DCAF1: variants seen among roughly 807,000 people sequenced by gnomAD.
DCAF1 encodes the protein DDB1- and CUL4-associated factor 1.
A neutral mutation model predicts 128.0 loss-of-function variants in DCAF1; 15 were observed. The observed-to-expected ratio is 0.12, with a 90% CI of 0.08 to 0.18. DCAF1 has a LOEUF of 0.18. Ranked by LOEUF, DCAF1 falls within the 10% of genes least tolerant of loss-of-function variation. The pLI is 1.00. For synonymous variants in DCAF1, 610 were observed against 603.0 expected (o/e 1.01, Z -0.17); for missense variants, 988 against 1,649.5 (o/e 0.60, Z 6.95).
At chr3:51,496,935 T>A (rs1429122735) in intron 1 of DCAF1, among the ~76,000 whole-genome samples, 155 bp from the exon 2 acceptor site, 1 of 152,128 alleles carries the variant, frequency 6.6e-6, no homozygotes, top group Non-Finnish European at 1.5e-5. Flanking sequence ...CAACTTATTT[T>A]CAAATGATTC....
At chr3:51,478,160 C>T (rs941940288) in intron 3 of DCAF1, among the ~76,000 whole-genome samples, 1 of 152,032 alleles carries the variant, frequency 6.6e-6, no homozygotes, top group Non-Finnish European at 1.5e-5. Flanking sequence ...CGTGCCACCA[C>T]GCCTGGCTAA....
chr3:51,452,885 G>A (rs991572678), intron 6 of DCAF1, among the ~76,000 whole-genome samples: 5 of 151,740 alleles, frequency 3.3e-5, no homozygotes, highest in African/African-American at 1.2e-4. Context: ...CGTGGTGGCG[G>A]GCACCTGTAA....
intron 3 of DCAF1, among the ~76,000 whole-genome samples, chr3:51,475,108 T>C (rs1705272735): frequency 6.6e-6 from 1 of 151,998 alleles, no homozygotes; most frequent in South Asian, 2.1e-4. Flanking sequence ...TTTTAAATTT[T>C]TTATATAGAT....
At chr3:51,489,765 T>C (rs1279690997) in intron 2 of DCAF1, among the ~76,000 whole-genome samples, 1 of 149,748 alleles carries the variant, frequency 6.7e-6, no homozygotes, top group Non-Finnish European at 1.5e-5. Flanking sequence ...CCAGCCTGGG[T>C]GACAGGTAAG....
chr3:51,438,903 G>A (rs1279720471), intron 9 of DCAF1, among the ~76,000 whole-genome samples: 7 of 152,198 alleles, frequency 4.6e-5, no homozygotes, highest in African/African-American at 9.7e-5. Context: ...GAGCCACCGC[G>A]CTGCGCCGAA....
chr3:51,430,638 T>C (rs2107547491), intron 10 of DCAF1, among the ~76,000 whole-genome samples: 1 of 152,330 alleles, frequency 6.6e-6, no homozygotes, highest in Admixed American at 6.5e-5. Context: ...TTTTGATGTC[T>C]ACTATGGGTC....
chr3:51,448,625 AC>A (rs1402323503), intron 6 of DCAF1, among the ~76,000 whole-genome samples: 56 of 152,344 alleles, frequency 3.7e-4, no homozygotes, highest in African/African-American at 1.3e-3. Context: ...CAATAGTTTA[AC>A]CATTTTAAAG....
chr3:51,438,013 G>C (rs1701011351), intron 9 of DCAF1: 1 of 337,418 alleles, frequency 3.0e-6, no homozygotes, highest in African/African-American at 2.2e-5. Flanking sequence ...TTCAAATCTT[G>C]GCTAGTTTTA....
intron 2 of DCAF1, among the ~76,000 whole-genome samples, chr3:51,490,076 A>G (rs545987033): frequency 4.6e-5 from 7 of 152,326 alleles, no homozygotes; most frequent in African/African-American, 1.4e-4. Context: ...AATTTCATTT[A>G]CAATAGCACC....
chr3:51,453,691 G>A (rs1022097680), intron 6 of DCAF1, among the ~76,000 whole-genome samples: 6 of 151,172 alleles, frequency 4.0e-5, no homozygotes, highest in Non-Finnish European at 8.8e-5. Flanking sequence ...AGTGGCTCAC[G>A]CCTGTAATCC....
intron 6 of DCAF1, among the ~76,000 whole-genome samples, chr3:51,454,532 T>C (rs1201419406): frequency 1.3e-5 from 2 of 151,866 alleles, no homozygotes; most frequent in Admixed American, 1.3e-4. Flanking sequence ...CGGCTAATTT[T>C]TGTATTTTTT....
intron 1 of DCAF1, among the ~76,000 whole-genome samples, chr3:51,497,592 A>T (rs1031729182): frequency 6.6e-6 from 1 of 151,708 alleles, no homozygotes; most frequent in Admixed American, 6.6e-5. Flanking sequence ...GTCTCAAAAA[A>T]AAGAAAAAAA....
chr3:51,464,710 G>C (rs1559545154), intron 5 of DCAF1, among the ~76,000 whole-genome samples: 1 of 151,636 alleles, frequency 6.6e-6, no homozygotes, highest in South Asian at 2.1e-4. Flanking sequence ...TAATTCAATA[G>C]AGGTGACAGT....
chr3:51,440,744 A>G (rs776475776), intron 9 of DCAF1, among the ~76,000 whole-genome samples: 58 of 152,158 alleles, frequency 3.8e-4, no homozygotes, highest in Non-Finnish European at 5.9e-4. Flanking sequence ...CATCTCTACT[A>G]AAAATATAAA....
chr3:51,413,816 T>C (rs1698643830), intron 20 of DCAF1, 134 bp downstream of exon 20: 5 of 1,178,526 alleles, frequency 4.2e-6, no homozygotes, highest in African/African-American at 3.2e-5. Context: ...ATACTATCAA[T>C]TTTTTATCTT....
chr3:51,454,137 A>G (rs1702636517), intron 6 of DCAF1, among the ~76,000 whole-genome samples: 1 of 152,084 alleles, frequency 6.6e-6, no homozygotes, highest in African/African-American at 2.4e-5. Flanking sequence ...CTACTTCCTG[A>G]GTTGAAGCGA....
At chr3:51,427,812 T>C (rs1700033656) in intron 12 of DCAF1, among the ~76,000 whole-genome samples, 1 of 151,868 alleles carries the variant, frequency 6.6e-6, no homozygotes, top group Non-Finnish European at 1.5e-5. Context: ...ATTTTATTTT[T>C]TGTAGAGACA....
chr3:51,440,128 T>C, intron 9 of DCAF1: 1 of 505,542 alleles, frequency 2.0e-6, no homozygotes, highest in South Asian at 1.5e-5. Context: ...TAGATTCACT[T>C]TTTATCTCAA....
At chr3:51,430,671 C>T (rs782730468) in intron 10 of DCAF1, among the ~76,000 whole-genome samples, 1 of 152,122 alleles carries the variant, frequency 6.6e-6, no homozygotes, top group African/African-American at 2.4e-5. Flanking sequence ...TGTAAAGCAT[C>T]CCCAGGTTTC....
Sources: allele counts gnomAD v4.1 joint callset (sites outside exome capture counted in the v4.1 genomes callset), GRCh38; gene constraint gnomAD v4.1.1; transcripts MANE v1.5; gene names NCBI Gene and HGNC (gene_info 2026-07-23, HGNC 2026-07-21).